The following SEMA6D variants were observed in gnomAD, a reference collection of about 807,000 sequenced individuals.
SEMA6D encodes the protein semaphorin 6D.
Under a neutral mutation model 106.6 loss-of-function variants are expected in SEMA6D, and 35 were observed. That is an observed-to-expected ratio of 0.33 (90% CI 0.25 to 0.44). The LOEUF (loss-of-function observed/expected upper bound fraction) is 0.44, where lower values mean the gene tolerates loss of function less well. SEMA6D is among the 20% of genes least tolerant of loss of function. The probability of loss-of-function intolerance (pLI) is 1.00; values close to 1 mark genes in which losing one functional copy is unlikely to be tolerated. For synonymous variants in SEMA6D, 499 were observed against 487.7 expected (o/e 1.02, Z -0.31); for missense variants, 1,185 against 1,345.9 (o/e 0.88, Z 1.87).
intron 1 of SEMA6D, among the ~76,000 whole-genome samples, chr15:47,329,663 T>G (rs567247791): frequency 2.6e-5 from 4 of 152,190 alleles, no homozygotes; most frequent in Non-Finnish European, 4.4e-5. Context: ...TGCAGCAGTG[T>G]TTCTTTTAGG....
At chr15:47,551,455 A>G (rs182906811) in intron 3 of SEMA6D, among the ~76,000 whole-genome samples, 344 of 152,314 alleles carry the variant, frequency 2.3e-3, no homozygotes, top group African/African-American at 7.6e-3. Flanking sequence ...GTGTTATGCC[A>G]TGAATAAAAG....
chr15:47,767,747 A>T (rs1385728270), intron 17 of SEMA6D, among the ~76,000 whole-genome samples: 1 of 152,228 alleles, frequency 6.6e-6, no homozygotes, highest in South Asian at 2.1e-4. Context: ...GCGTAGGCTT[A>T]CATTTTGAGG....
At chr15:47,501,669 A>G (rs1303111388) in intron 3 of SEMA6D, among the ~76,000 whole-genome samples, 1 of 152,224 alleles carries the variant, frequency 6.6e-6, no homozygotes, top group Non-Finnish European at 1.5e-5. Context: ...AGCAACAGTA[A>G]CAAGTGAGCT....
chr15:47,689,085 A>T (rs571975697), intron 4 of SEMA6D, among the ~76,000 whole-genome samples: 2 of 152,356 alleles, frequency 1.3e-5, no homozygotes, highest in African/African-American at 4.8e-5. Flanking sequence ...AGAAATATGG[A>T]TCATACAGTA....
chr15:47,303,368 C>T, intron 1 of SEMA6D, among the ~76,000 whole-genome samples: 1 of 152,206 alleles, frequency 6.6e-6, no homozygotes, highest in East Asian at 1.9e-4. Context: ...TCTGCATTTA[C>T]TGTTCCAGTT....
intron 1 of SEMA6D, among the ~76,000 whole-genome samples, chr15:47,741,274 A>G (rs2080795813): frequency 6.6e-6 from 1 of 152,332 alleles, no homozygotes; most frequent in South Asian, 2.1e-4. Flanking sequence ...CTCATCTGCA[A>G]AATAGCACCA....
intron 4 of SEMA6D, among the ~76,000 whole-genome samples, chr15:47,654,309 C>A (rs1219873805): frequency 6.6e-6 from 1 of 152,110 alleles, no homozygotes; most frequent in East Asian, 1.9e-4. Flanking sequence ...TTGACTTTCC[C>A]AAAACTTAAT....
intron 1 of SEMA6D, among the ~76,000 whole-genome samples, chr15:47,253,078 TAATACCC>T (rs1369508783): frequency 6.6e-6 from 1 of 152,180 alleles, no homozygotes; most frequent in Non-Finnish European, 1.5e-5. Flanking sequence ...GACTTTATGA[TAATACCC>T]ATTCTAACTG....
intron 13 of SEMA6D, 75 bp downstream of exon 13, chr15:47,765,131 T>G (rs776417822): frequency 1.3e-6 from 2 of 1,548,720 alleles, no homozygotes; most frequent in Non-Finnish European, 1.7e-6. Flanking sequence ...AGTCATGTCC[T>G]TTTGGTCCTC....
intron 1 of SEMA6D, among the ~76,000 whole-genome samples, chr15:47,341,235 C>A (rs1281130743): frequency 6.6e-6 from 1 of 151,900 alleles, no homozygotes; most frequent in African/African-American, 2.4e-5. Flanking sequence ...ACTAAAAATA[C>A]AAAAATTAAG....
intron 3 of SEMA6D, among the ~76,000 whole-genome samples, chr15:47,564,219 A>G (rs1231270805): frequency 6.6e-6 from 1 of 152,174 alleles, no homozygotes; most frequent in Non-Finnish European, 1.5e-5. Flanking sequence ...CAGCCTGCCT[A>G]TACAAGCTTA....
intron 1 of SEMA6D, among the ~76,000 whole-genome samples, chr15:47,194,950 A>G (rs1005722107): frequency 3.9e-5 from 6 of 152,196 alleles, no homozygotes; most frequent in East Asian, 1.9e-4. Flanking sequence ...AGTGCATTCT[A>G]TAGGGATCAA....
At chr15:47,665,800 A>T (rs2078014682) in intron 4 of SEMA6D, among the ~76,000 whole-genome samples, 1 of 152,142 alleles carries the variant, frequency 6.6e-6, no homozygotes, top group African/African-American at 2.4e-5. Context: ...ACAGAGCAAG[A>T]CTCTGTTTCC....
Position 47,738,580 on chromosome 15 carries a change from ACT to A in SEMA6D, c.-55+20893_-55+20894del, listed in dbSNP as rs543848162. 3.1e-3 allele frequency among the ~76,000 whole-genome samples: 470 copies of A among 152,026 alleles called. 4 individuals are homozygous for A. Among genetic ancestry groups the A allele is most frequent in the African/African-American group, 0.011 (446 of 41,448 alleles). On this transcript the variant is annotated intron_variant, in intron 1 of 18. Coordinates refer to ENST00000536845, the MANE Select transcript of SEMA6D (RefSeq NM_001358351.3). ...CATAACATCTGTATTCTGACCAAAG[ACT>A]CTCTGTTTCTCTGGAATGTTTCCAG...
At chr15:47,747,003 T>TATATA (rs1555422789) in intron 1 of SEMA6D, among the ~76,000 whole-genome samples, 1 of 149,228 alleles carries the variant, frequency 6.7e-6, no homozygotes, top group African/African-American at 2.4e-5. Context: ...TATATATATA[T>TATATA]TTCGATTGTA....
At chr15:47,267,586 T>A (rs965478214) in intron 1 of SEMA6D, among the ~76,000 whole-genome samples, 1 of 152,160 alleles carries the variant, frequency 6.6e-6, no homozygotes, top group African/African-American at 2.4e-5. Flanking sequence ...ATTCTTTGTA[T>A]CTATTTTTTG....
intron 1 of SEMA6D, chr15:47,718,572 A>G (rs1449827928): frequency 1.3e-5 from 2 of 150,434 alleles, no homozygotes; most frequent in African/African-American, 2.4e-5. Flanking sequence ...CCCACCGGCC[A>G]CCCCACCGCC....
At chr15:47,458,810 G>A (rs2042417644) in intron 2 of SEMA6D, among the ~76,000 whole-genome samples, 1 of 151,766 alleles carries the variant, frequency 6.6e-6, no homozygotes, top group South Asian at 2.1e-4. Flanking sequence ...AACCTAAAGG[G>A]ACAAAAACAT....
At chr15:47,521,752 A>G (rs186936265) in intron 3 of SEMA6D, among the ~76,000 whole-genome samples, 1,615 of 152,232 alleles carry the variant, frequency 0.011, 31 homozygotes, top group African/African-American at 0.037. Flanking sequence ...TTGGGAGGCC[A>G]AGGCGGGTGG....
Sources: gnomAD v4.1 joint callset for allele counts (sites outside exome capture counted in the v4.1 genomes callset) on GRCh38, gnomAD v4.1.1 for gene constraint, MANE v1.5 for transcripts, NCBI Gene and HGNC (gene_info 2026-07-23, HGNC 2026-07-21) for gene names.